The following XK variants were observed in gnomAD, a reference collection of about 807,000 sequenced individuals.
XK encodes endoplasmic reticulum membrane adapter protein XK.
Under a neutral mutation model 14.0 loss-of-function variants are expected in XK, and 2 were observed. The ratio of observed to expected loss-of-function variants is 0.14; its 90% CI spans 0.06 to 0.45. The LOEUF (loss-of-function observed/expected upper bound fraction) is 0.45. Ranked by LOEUF, XK falls within the 20% of genes least tolerant of loss-of-function variation. The pLI is 0.98. For synonymous variants in XK, 149 were observed against 147.5 expected (o/e 1.01, Z -0.08); for missense variants, 235 against 341.5 (o/e 0.69, Z 2.46).
Position 37,715,093 on chromosome X carries a change from C to T in XK, c.509-12543C>T, listed in dbSNP as rs782669021. ...ATATTTCCAAATATATACATGTATA[C>T]GTGTGTGTGTGTATATATATATATT... On this transcript the variant is annotated intron_variant, in intron 2 of 2. Transcript: ENST00000378616. 5.7e-5 allele frequency among the ~76,000 whole-genome samples: 6 copies of T among 105,999 alleles called. No individual in the cohort carries two copies. In the East Asian group the frequency reaches 8.9e-4, roughly 16 times the overall value. The allele number at this position is 105,999 out of a possible 115,157, so 92.0% of individuals were successfully genotyped here.
chrX:37,690,523 T>TG (rs1927182206), intron 1 of XK, among the ~76,000 whole-genome samples: 1 of 112,343 alleles, frequency 8.9e-6, no homozygotes, highest in Non-Finnish European at 1.9e-5. Flanking sequence ...GGATATATGA[T>TG]GCTTGAAAAT....
intron 2 of XK, among the ~76,000 whole-genome samples, chrX:37,719,660 A>G (rs1826642323): frequency 9.0e-6 from 1 of 111,195 alleles, no homozygotes; most frequent in Non-Finnish European, 1.9e-5. Context: ...TTTTTAAAAT[A>G]GTTTCCAGTC....
intron 2 of XK, among the ~76,000 whole-genome samples, chrX:37,706,599 T>C (rs1471346825): frequency 4.5e-5 from 4 of 88,450 alleles, no homozygotes; most frequent in Non-Finnish European, 8.1e-5. Context: ...CCAGGACAAA[T>C]GTTCTTTTTT....
At position 37,720,760 on chromosome X, in the gene XK, A is replaced by C. The variant is rs145841742; in HGVS notation, c.509-6876A>C. Reference sequence around the variant, plus strand: ...GTGTACACATTATTTAGCTCCCACTAAGTGAGAATATATGGTATTTGACTC... The same window carrying C: ...GTGTACACATTATTTAGCTCCCACTCAGTGAGAATATATGGTATTTGACTC... On this transcript the variant is annotated intron_variant, in intron 2 of 2. Coordinates refer to ENST00000378616, the MANE Select transcript of XK (RefSeq NM_021083.4). Among the ~76,000 whole-genome samples, 214 of 111,271 alleles carry C rather than the reference A, an allele frequency of 1.9e-3. 2 individuals are homozygous for C. Among genetic ancestry groups the C allele is most frequent in the African/African-American group, 6.7e-3 (205 of 30,763 alleles).
chrX:37,694,841 G>A (rs1927279174), intron 2 of XK, among the ~76,000 whole-genome samples: 1 of 112,025 alleles, frequency 8.9e-6, no homozygotes, highest in South Asian at 3.7e-4. Flanking sequence ...CACATGTCTT[G>A]TTGTTCACAT....
chrX:37,700,842 G>A (rs997542404), intron 2 of XK, among the ~76,000 whole-genome samples: 31 of 111,143 alleles, frequency 2.8e-4, no homozygotes, highest in Non-Finnish European at 1.5e-4. Context: ...TGGAGAGGGG[G>A]CACACTGCAT....
At chrX:37,707,612 A>C (rs190142630) in intron 2 of XK, among the ~76,000 whole-genome samples, 1 of 106,061 alleles carries the variant, frequency 9.4e-6, no homozygotes, top group East Asian at 3.1e-4. Context: ...CAGACGGGGC[A>C]GCGGGGCAGA....
intron 1 of XK, among the ~76,000 whole-genome samples, chrX:37,688,121 C>T (rs868926393): frequency 5.2e-5 from 5 of 96,465 alleles, no homozygotes; most frequent in African/African-American, 1.2e-4. Flanking sequence ...AGTGCAGTGG[C>T]GCGATCTCAG....
Position 37,725,206 on chromosome X carries a change from A to G in XK, c.509-2430A>G, listed in dbSNP as rs189846196. ...GAAATAGGGTGATGATGGTCAAAGG[A>G]TACAAAGTTTCAGTTATGTCAGATA... On this transcript the variant is annotated intron_variant, in intron 2 of 2. Coordinates refer to ENST00000378616, the MANE Select transcript of XK (RefSeq NM_021083.4). Among the ~76,000 whole-genome samples, 5 of 111,574 alleles carry G rather than the reference A, an allele frequency of 4.5e-5. No homozygotes were observed. The East Asian group carries it at 1.4e-3, about 31-fold the overall frequency.
intron 2 of XK, among the ~76,000 whole-genome samples, chrX:37,721,871 G>A (rs1262714732): frequency 1.8e-5 from 2 of 111,422 alleles, no homozygotes; most frequent in African/African-American, 6.5e-5. Flanking sequence ...CCATAAAAAG[G>A]AATGAAGTAC....
intron 2 of XK, among the ~76,000 whole-genome samples, chrX:37,719,733 T>A (rs960540185): frequency 9.0e-6 from 1 of 111,362 alleles, no homozygotes; most frequent in African/African-American, 3.3e-5. Flanking sequence ...TTATTTTAAG[T>A]CCATGTCAGA....
chrX:37,715,523 T>C (rs986077377), intron 2 of XK, among the ~76,000 whole-genome samples: 7 of 111,949 alleles, frequency 6.3e-5, no homozygotes, highest in African/African-American at 1.9e-4. Flanking sequence ...GGCCAACCTT[T>C]TTCTGTAAAG....
chrX:37,704,618 C>A (rs782024935), intron 2 of XK, among the ~76,000 whole-genome samples: 1 of 111,192 alleles, frequency 9.0e-6, no homozygotes, highest in African/African-American at 3.3e-5. Flanking sequence ...GGTGGATAGC[C>A]TGAGGTCAGG....
At chrX:37,698,706 A>G (rs1439799835) in intron 2 of XK, among the ~76,000 whole-genome samples, 2 of 110,621 alleles carry the variant, frequency 1.8e-5, no homozygotes, top group Non-Finnish European at 3.8e-5. Flanking sequence ...CTCTGAGGAT[A>G]AAGTGGTGAA....
chrX:37,708,759 TTAA>T (rs2146823703), intron 2 of XK, among the ~76,000 whole-genome samples: 1 of 112,630 alleles, frequency 8.9e-6, no homozygotes, highest in Admixed American at 9.3e-5. Flanking sequence ...TGGCAAAATG[TTAA>T]CACAAAATTG....
At position 37,728,776 on chromosome X, in the gene XK, G is replaced by A. The variant is rs782359792; in HGVS notation, c.*314G>A. ...GAGTTGTACTGGTTAGATTCATTAGGTTGAATGAGGAGAGGGGCTTACCTG... is the reference window on the plus strand; with the variant it reads ...GAGTTGTACTGGTTAGATTCATTAGATTGAATGAGGAGAGGGGCTTACCTG... On this transcript the variant is annotated 3_prime_UTR_variant, in exon 3 of 3. Transcript: ENST00000378616. 7 of 267,229 alleles carry A rather than the reference G, an allele frequency of 2.6e-5. No homozygotes were observed. The highest frequency in any genetic ancestry group is 4.7e-5 in the Non-Finnish European group (7 of 149,040). The allele number at this position is 267,229 out of a possible 1,213,427, so 22.0% of individuals were successfully genotyped here.
At chrX:37,705,501 A>G (rs1927507735) in intron 2 of XK, among the ~76,000 whole-genome samples, 1 of 110,153 alleles carries the variant, frequency 9.1e-6, no homozygotes, top group African/African-American at 3.3e-5. Context: ...AGATAGTTTT[A>G]GAAATCTACT....
intron 2 of XK, among the ~76,000 whole-genome samples, chrX:37,699,122 A>G (rs999269507): frequency 1.8e-5 from 2 of 112,784 alleles, no homozygotes; most frequent in African/African-American, 6.4e-5. Context: ...GTGGGCTACT[A>G]TAGTTGTCAA....
intron 2 of XK, among the ~76,000 whole-genome samples, chrX:37,720,019 G>T (rs1164750204): frequency 4.5e-5 from 5 of 110,721 alleles, no homozygotes; most frequent in African/African-American, 1.6e-4. Flanking sequence ...CTTTGCGAGG[G>T]CTTAATCTCT....
Sources: allele counts gnomAD v4.1 joint callset (sites outside exome capture counted in the v4.1 genomes callset), GRCh38; gene constraint gnomAD v4.1.1; transcripts MANE v1.5; gene names NCBI Gene and HGNC (gene_info 2026-07-23, HGNC 2026-07-21).